MYLK4: variants seen among roughly 807,000 people sequenced by gnomAD.
MYLK4 encodes the protein myosin light chain kinase family member 4.
In MYLK4, 46 loss-of-function variants were observed where a neutral mutation model predicts 48.1. That is an observed-to-expected ratio of 0.96 (90% CI 0.75 to 1.22). The LOEUF is 1.22. Among genes scored for constraint, MYLK4 ranks in the 50% most tolerant of loss-of-function variants. The probability of loss-of-function intolerance (pLI) is 0.00; values close to 1 mark genes in which losing one functional copy is unlikely to be tolerated. For synonymous variants in MYLK4, 170 were observed against 180.8 expected (o/e 0.94, Z 0.48); for missense variants, 451 against 486.1 (o/e 0.93, Z 0.68).
rs1199219251 is a variant in MYLK4 at position 2,666,841 on chromosome 6, C to CA, written c.*1083dup. The CA allele has an allele frequency of 6.6e-6, 1 of 152,276 alleles. No individual in the cohort carries two copies. The highest frequency in any genetic ancestry group is 1.5e-5 in the Non-Finnish European group (1 of 68,070). The allele number at this position is 152,276 out of a possible 1,614,324, so 9.4% of individuals were successfully genotyped here. ...TCCAACTGGAACGTTCCAACATTCT[C>CA]ACGTCCAGCAGGTGAGCTTGCAGAG... On this transcript the variant is annotated 3_prime_UTR_variant, in exon 13 of 13. Coordinates refer to ENST00000274643, the MANE Select transcript of MYLK4 (RefSeq NM_001012418.5).
At chr6:2,738,509 A>AT (rs1561878626) in intron 2 of MYLK4, among the ~76,000 whole-genome samples, 1 of 152,232 alleles carries the variant, frequency 6.6e-6, no homozygotes, top group Non-Finnish European at 1.5e-5. Flanking sequence ...TCGTTCCAAC[A>AT]ATTAGGATTA....
the MYLK4 span, among the ~76,000 whole-genome samples, chr6:2,767,475 C>G: frequency 6.6e-6 from 1 of 152,346 alleles, no homozygotes; most frequent in South Asian, 2.1e-4. Flanking sequence ...CCTTTAACTC[C>G]AGTTCCTGGA....
chr6:2,692,790 G>A lies in MYLK4; in HGVS notation c.229C>T (p.Leu77Phe), dbSNP rs758483569. 1 of 1,613,656 alleles carries A rather than the reference G, an allele frequency of 6.2e-7. No individual in the cohort carries two copies. The highest frequency in any genetic ancestry group is 1.1e-5 in the South Asian group (1 of 90,932). Reference protein sequence around the residue: ...MPVKSKRTSALAVDIPAPPAP... With the variant: ...MPVKSKRTSAFAVDIPAPPAP... ...ACTTTTCTAAAGATGTTACCTGCGA[G>A]GGCTGATGTCCTTTTGCTTTTGACG... is the stretch of plus-strand genomic sequence containing the variant. Residue 77 changes from leucine (L) to phenylalanine (F), a missense_variant, in exon 3 of 13, where the codon CTC becomes TTC. Physicochemically the swap from Leu to Phe is conservative, Grantham distance 22. Transcript: ENST00000274643.
intron 2 of MYLK4, among the ~76,000 whole-genome samples, chr6:2,707,717 G>T (rs976261882): frequency 2.6e-5 from 4 of 152,142 alleles, no homozygotes; most frequent in Non-Finnish European, 5.9e-5. Flanking sequence ...AAAGTCAAAT[G>T]TGTTTTTTCT....
chr6:2,740,886 A>G (rs1763877280), intron 2 of MYLK4, among the ~76,000 whole-genome samples: 1 of 152,242 alleles, frequency 6.6e-6, no homozygotes, highest in African/African-American at 2.4e-5. Flanking sequence ...CAAATACCAC[A>G]GGGCAAAGAC....
intron 2 of MYLK4, among the ~76,000 whole-genome samples, chr6:2,729,523 A>G (rs1181151182): frequency 3.3e-5 from 5 of 152,216 alleles, no homozygotes; most frequent in Non-Finnish European, 4.4e-5. Flanking sequence ...TTCCAGTTTC[A>G]CCAAGGGGCC....
rs1189515234 is a variant in MYLK4 at position 2,672,956 on chromosome 6, T to C, written c.1120-1608A>G. On this transcript the variant is annotated intron_variant, in intron 11 of 12. Transcript: ENST00000274643. This position sits in a 1 kb window ranked among gnomAD's most constrained non-coding sequence, Gnocchi z 4.3. ...AGAAGAGTACCTCCACAATACTGTA[T>C]AATTATAGCTGTAATAACTAGATTT... Among the ~76,000 whole-genome samples the C allele has an allele frequency of 6.6e-6, 1 of 152,216 alleles. No individual in the cohort carries two copies. Among genetic ancestry groups the C allele is most frequent in the Non-Finnish European group, 1.5e-5 (1 of 68,044 alleles).
At chr6:2,730,407 C>G (rs2113323037) in intron 2 of MYLK4, among the ~76,000 whole-genome samples, 1 of 152,266 alleles carries the variant, frequency 6.6e-6, no homozygotes, top group South Asian at 2.1e-4. Context: ...CTGAAAATTC[C>G]CAGTTTTCCT....
rs1402698709 is a variant in MYLK4 at position 2,749,375 on chromosome 6, A to G, written c.-81T>C. The stretch of plus-strand genomic sequence containing the variant: ...GTCTCCGATTTATAAATCAGGACAC[A>G]ATTATGACTCTTCAGTGCTTCTTTC... On this transcript the variant is annotated 5_prime_UTR_variant, in exon 2 of 13. Coordinates refer to ENST00000274643, the MANE Select transcript of MYLK4 (RefSeq NM_001012418.5). 1 of 1,119,460 alleles carries G rather than the reference A, an allele frequency of 8.9e-7. No homozygotes were observed. The highest frequency in any genetic ancestry group is 1.5e-5 in the South Asian group (1 of 65,300). 69.3% of individuals were successfully genotyped at this position (1,119,460 alleles called of 1,614,324 possible). A position where few individuals can be genotyped will look rare whatever the true frequency, so the allele number is the denominator to read the frequency against.
chr6:2,762,297 G>T, the MYLK4 span, among the ~76,000 whole-genome samples: 1 of 152,174 alleles, frequency 6.6e-6, no homozygotes, highest in Non-Finnish European at 1.5e-5. Context: ...GTAAAATTAG[G>T]TCTATATGCA....
At chr6:2,701,700 A>T (rs1023302147) in intron 2 of MYLK4, among the ~76,000 whole-genome samples, 2 of 152,202 alleles carry the variant, frequency 1.3e-5, no homozygotes, top group Admixed American at 6.5e-5. Context: ...GGTCCAGTCT[A>T]TGCAAAGTGG....
chr6:2,765,622 C>T, the MYLK4 span: 4 of 1,528,754 alleles, frequency 2.6e-6, no homozygotes, highest in African/African-American at 2.9e-5. Flanking sequence ...CGGCGGCCGC[C>T]ATGGAGGTGA....
chr6:2,754,670 G>A (rs923354657), upstream of MYLK4, among the ~76,000 whole-genome samples: 1 of 152,140 alleles, frequency 6.6e-6, no homozygotes, highest in Non-Finnish European at 1.5e-5. Flanking sequence ...TACTTCAATA[G>A]AGTCATTAAG....
At chr6:2,762,701 C>T in the MYLK4 span, among the ~76,000 whole-genome samples, 5 of 152,022 alleles carry the variant, frequency 3.3e-5, no homozygotes, top group African/African-American at 9.7e-5. Context: ...ACGCATAGAC[C>T]CTCACGGAAA....
At chr6:2,687,615 T>G in intron 4 of MYLK4, among the ~76,000 whole-genome samples, 1 of 152,228 alleles carries the variant, frequency 6.6e-6, no homozygotes, top group Non-Finnish European at 1.5e-5. Context: ...CAGTTCATGC[T>G]GTGGAATTCC....
chr6:2,756,308 C>T, the MYLK4 span, among the ~76,000 whole-genome samples: 3 of 152,202 alleles, frequency 2.0e-5, no homozygotes, highest in African/African-American at 7.2e-5. Context: ...TATTTTGAAG[C>T]TCAAATTGTC....
intron 2 of MYLK4, among the ~76,000 whole-genome samples, chr6:2,729,617 C>A (rs1466889812): frequency 6.6e-6 from 1 of 152,154 alleles, no homozygotes; most frequent in East Asian, 1.9e-4. Flanking sequence ...TTCTCTTCTG[C>A]CTCTCAGGAT....
the MYLK4 span, among the ~76,000 whole-genome samples, chr6:2,761,782 T>C: frequency 6.6e-6 from 1 of 152,206 alleles, no homozygotes; most frequent in African/African-American, 2.4e-5. Flanking sequence ...TTCATCCATG[T>C]ATGTAGCTGT....
intron 2 of MYLK4, among the ~76,000 whole-genome samples, chr6:2,743,540 C>A (rs190790175): frequency 6.6e-6 from 1 of 152,138 alleles, no homozygotes; most frequent in African/African-American, 2.4e-5. Context: ...TGTTTGCAAT[C>A]GATTTCTTAG....
Sources: gnomAD v4.1 joint callset for allele counts (sites outside exome capture counted in the v4.1 genomes callset) on GRCh38, gnomAD v4.1.1 for gene constraint, Gnocchi (gnomAD v3.1) non-coding constraint, MANE v1.5 for transcripts, NCBI Gene and HGNC (gene_info 2026-07-23, HGNC 2026-07-21) for gene names.